The following NBEA variants were observed in gnomAD, a reference collection of about 807,000 sequenced individuals.
NBEA encodes neurobeachin.
In NBEA, 44 loss-of-function variants were observed where a neutral mutation model predicts 343.4. The ratio of observed to expected loss-of-function variants is 0.13; its 90% CI spans 0.10 to 0.16. NBEA has a LOEUF of 0.16. NBEA is among the 10% of genes least tolerant of loss of function. The pLI is 1.00. For missense variants in NBEA, 2,555 were observed against 3,631.3 expected (o/e 0.70, Z 7.62); for synonymous variants, 1,175 against 1,238.7 (o/e 0.95, Z 1.08).
intron 41 of NBEA, chr13:35,476,257 A>T: frequency 1.3e-6 from 2 of 1,517,246 alleles, no homozygotes; most frequent in South Asian, 2.3e-5. Context: ...TCAGAAATGG[A>T]TCAAAAATGC....
chr13:35,107,342 T>G (rs186793793), intron 11 of NBEA, among the ~76,000 whole-genome samples: 11 of 152,102 alleles, frequency 7.2e-5, no homozygotes, highest in Admixed American at 3.3e-4. Context: ...AAATTTTCAT[T>G]GAAAATTATG....
At chr13:35,315,139 G>A (rs2037632629) in intron 36 of NBEA, among the ~76,000 whole-genome samples, 1 of 152,160 alleles carries the variant, frequency 6.6e-6, no homozygotes, top group African/African-American at 2.4e-5. Flanking sequence ...TATTTGGGTT[G>A]TTAGAATATC....
intron 34 of NBEA, among the ~76,000 whole-genome samples, chr13:35,234,276 T>C (rs1447764188): frequency 1.3e-5 from 2 of 152,160 alleles, no homozygotes; most frequent in Admixed American, 6.5e-5. Context: ...CTCTGAAGAA[T>C]TGGATTCTGA....
At chr13:35,323,353 G>A (rs911800297) in intron 36 of NBEA, among the ~76,000 whole-genome samples, 7 of 151,912 alleles carry the variant, frequency 4.6e-5, no homozygotes, top group Non-Finnish European at 8.8e-5. Flanking sequence ...AGAAAATGTG[G>A]CACTTATACA....
At position 35,069,918 on chromosome 13, in the gene NBEA, A is replaced by G; in HGVS notation, c.1250A>G (p.Lys417Arg). The stretch of plus-strand genomic sequence containing the variant: ...GTTTTATTTTTTCAGAGTACCTTCA[A>G]GTTTAAATCTGAGAGTGATATTCAT... ...QLGPGYKSTFKFKSESDIHLA... is the reference protein window; with the variant it reads ...QLGPGYKSTFRFKSESDIHLA... The change falls in exon 9 of 59, where the codon AAG becomes AGG. Residue 417 changes from lysine (K) to arginine (R), a missense_variant. Around this residue, in one of 21 missense-constraint regions of NBEA, gnomAD observed 75 missense variants for 237.4 expected, o/e 0.32. Transcript: ENST00000379939. 1 of 1,575,776 alleles carries G rather than the reference A, an allele frequency of 6.3e-7. No individual in the cohort carries two copies. Among genetic ancestry groups the G allele is most frequent in the Non-Finnish European group, 8.6e-7 (1 of 1,159,816 alleles).
rs996483510 is a variant in NBEA at position 35,156,148 on chromosome 13, C to T, written c.2593C>T (p.Arg865Cys). ...ACCAAGTGCAGAGCTGATGGAAGTT[C>T]GTCGTTTATTTTTATCTGATATGAT... The part of the protein sequence containing the change: ...STPSAELMEV[R>C]RLFLSDMIKL... The change falls in exon 20 of 59, where the codon CGT becomes TGT. Residue 865 changes from arginine (R) to cysteine (C), a missense_variant. Around this residue, in one of 21 missense-constraint regions of NBEA, gnomAD observed 360 missense variants for 519.1 expected, o/e 0.69. Coordinates refer to ENST00000379939, the MANE Select transcript of NBEA (RefSeq NM_001385012.1). The T allele has an allele frequency of 5.0e-6, 8 of 1,591,084 alleles. No homozygotes were observed. Among genetic ancestry groups the T allele is most frequent in the African/African-American group, 2.7e-5 (2 of 74,360 alleles).
intron 17 of NBEA, among the ~76,000 whole-genome samples, chr13:35,124,631 TACACAC>T (rs150690306): frequency 1.4e-5 from 2 of 143,910 alleles, no homozygotes; most frequent in Non-Finnish European, 3.0e-5. Flanking sequence ...TGGATATACA[TACACAC>T]ACATATATGG....
At chr13:34,994,741 A>G (rs1213802883) in intron 1 of NBEA, among the ~76,000 whole-genome samples, 2 of 152,178 alleles carry the variant, frequency 1.3e-5, no homozygotes, top group East Asian at 3.8e-4. Flanking sequence ...TACAACAGGG[A>G]ATTCAGCTAA....
chr13:34,944,108 A>G (rs924596136), intron 1 of NBEA, among the ~76,000 whole-genome samples: 9 of 152,198 alleles, frequency 5.9e-5, no homozygotes, highest in African/African-American at 2.2e-4. Context: ...AAGCTTTTTA[A>G]ACAGTTTTCT....
At chr13:35,057,571 T>C (rs559891733) in intron 7 of NBEA, among the ~76,000 whole-genome samples, 200 of 152,290 alleles carry the variant, frequency 1.3e-3, no homozygotes, top group Non-Finnish European at 2.1e-3. Flanking sequence ...TAGAAACTTA[T>C]GGTTGAGCCA....
chr13:35,553,501 T>C, intron 43 of NBEA, among the ~76,000 whole-genome samples: 1 of 152,040 alleles, frequency 6.6e-6, no homozygotes, highest in East Asian at 1.9e-4. Flanking sequence ...TCAATAAATA[T>C]TGGTGGAAAG....
At chr13:35,597,558 G>A (rs1478633525) in intron 47 of NBEA, among the ~76,000 whole-genome samples, 1 of 152,116 alleles carries the variant, frequency 6.6e-6, no homozygotes, top group Non-Finnish European at 1.5e-5. Context: ...TTTCAAACAT[G>A]TTTTTGTTGG....
chr13:35,269,072 C>T (rs73169714), intron 34 of NBEA, among the ~76,000 whole-genome samples: 7,966 of 151,960 alleles, frequency 0.052, 227 homozygotes, highest in South Asian at 0.079. Context: ...TGGACACATA[C>T]AAATGAAAAA....
chr13:35,447,544 A>C (rs2046110582), intron 39 of NBEA, among the ~76,000 whole-genome samples: 1 of 152,072 alleles, frequency 6.6e-6, no homozygotes, highest in Admixed American at 6.6e-5. Context: ...TTCATGGGTT[A>C]TTTCTCACAT....
At chr13:35,056,184 A>G (rs2063251562) in intron 7 of NBEA, 55 bp downstream of exon 7, 1 of 1,372,622 alleles carries the variant, frequency 7.3e-7, no homozygotes, top group Non-Finnish European at 9.6e-7. Context: ...ATGATCTATC[A>G]TTACAATATG....
chr13:35,355,342 C>T (rs1222773928), intron 38 of NBEA, among the ~76,000 whole-genome samples: 3 of 152,138 alleles, frequency 2.0e-5, no homozygotes, highest in African/African-American at 7.2e-5. Context: ...GTAGATCCCT[C>T]TGCTCCTATG....
intron 38 of NBEA, among the ~76,000 whole-genome samples, chr13:35,373,989 C>A (rs574587197): frequency 6.6e-4 from 101 of 152,244 alleles, no homozygotes; most frequent in South Asian, 1.7e-3. Context: ...CCTCCTTCAT[C>A]AGTGATCTGA....
chr13:35,416,347 T>G (rs2152920482), intron 38 of NBEA, among the ~76,000 whole-genome samples: 1 of 152,296 alleles, frequency 6.6e-6, no homozygotes, highest in South Asian at 2.1e-4. Context: ...TTTTTGCCCA[T>G]TCAGTATGAT....
Position 35,228,031 on chromosome 13 carries a change from A to G in NBEA, c.5649-4461A>G, listed in dbSNP as rs539094613. 2.2e-4 allele frequency among the ~76,000 whole-genome samples: 34 copies of G among 151,800 alleles called. No individual in the cohort carries two copies. In the East Asian group the frequency reaches 6.2e-3, roughly 28 times the overall value. On this transcript the variant is annotated intron_variant, in intron 33 of 58. Transcript: ENST00000379939. ...TTGGATATTTCTTGAGGCCAGTTAC[A>G]TTTGGCAAGATTTGATAATAATTAA...
Sources: allele counts gnomAD v4.1 joint callset (sites outside exome capture counted in the v4.1 genomes callset), GRCh38; gene constraint gnomAD v4.1.1; regional missense constraint gnomAD v4.1.1; transcripts MANE v1.5; gene names NCBI Gene and HGNC (gene_info 2026-07-23, HGNC 2026-07-21).